HPSE2: variants seen among roughly 807,000 people sequenced by gnomAD.
The protein encoded by HPSE2 is heparanase 2 (inactive).
HPSE2 carries 38 observed loss-of-function variants against 60.5 expected under a neutral mutation model. The observed-to-expected ratio is 0.63, with a 90% CI of 0.48 to 0.82. The LOEUF is 0.82. Ranked by LOEUF, HPSE2 falls within the 40% of genes least tolerant of loss-of-function variation. The pLI is 0.00. For synonymous variants in HPSE2, 295 were observed against 293.2 expected (o/e 1.01, Z -0.06); for missense variants, 713 against 740.4 (o/e 0.96, Z 0.43).
chr10:99,019,623 C>T (rs769923145), intron 3 of HPSE2, among the ~76,000 whole-genome samples: 19 of 152,256 alleles, frequency 1.2e-4, no homozygotes, highest in African/African-American at 1.9e-4. Context: ...AAAGTTCATT[C>T]TAGTGCTTCC....
intron 2 of HPSE2, among the ~76,000 whole-genome samples, chr10:99,185,675 G>A (rs1362915589): frequency 6.6e-6 from 1 of 151,960 alleles, no homozygotes; most frequent in Admixed American, 6.6e-5. Context: ...TCGGGAGGCT[G>A]AGGCAGGAGA....
chr10:98,651,513 T>C (rs951658805), intron 6 of HPSE2, among the ~76,000 whole-genome samples: 9 of 152,200 alleles, frequency 5.9e-5, no homozygotes, highest in African/African-American at 2.2e-4. Flanking sequence ...TTCTTTACCA[T>C]CCTTTCTTTT....
intron 2 of HPSE2, among the ~76,000 whole-genome samples, chr10:99,177,158 T>G (rs767149195): frequency 1.3e-5 from 2 of 151,986 alleles, no homozygotes; most frequent in Non-Finnish European, 2.9e-5. Flanking sequence ...TATCAGCCAC[T>G]GCAAAAACAT....
chr10:99,163,083 C>T (rs373253208), intron 2 of HPSE2, among the ~76,000 whole-genome samples: 37 of 152,040 alleles, frequency 2.4e-4, no homozygotes, highest in Non-Finnish European at 3.7e-4. Flanking sequence ...TGGTGGCAGA[C>T]GCCTGTAGTC....
chr10:98,520,663 G>A (rs1183628514), intron 9 of HPSE2, among the ~76,000 whole-genome samples: 2 of 152,138 alleles, frequency 1.3e-5, no homozygotes, highest in African/African-American at 4.8e-5. Context: ...TAGGATTTAC[G>A]TGATTAAAAA....
chr10:98,712,738 T>C (rs766825993), intron 5 of HPSE2, among the ~76,000 whole-genome samples: 4 of 152,220 alleles, frequency 2.6e-5, no homozygotes, highest in Middle Eastern at 3.4e-3. Context: ...TGAGCCACGA[T>C]AGGAGCAGAA....
At chr10:99,282,672 A>G in the HPSE2 span, among the ~76,000 whole-genome samples, 1 of 152,208 alleles carries the variant, frequency 6.6e-6, no homozygotes, top group Non-Finnish European at 1.5e-5. Flanking sequence ...TCCAATCACA[A>G]TAGAAAGAAA....
intron 3 of HPSE2, among the ~76,000 whole-genome samples, chr10:99,121,488 A>G (rs1844951228): frequency 6.6e-6 from 1 of 152,132 alleles, no homozygotes; most frequent in African/African-American, 2.4e-5. Context: ...GTTTAAAAAA[A>G]GTGTTTAACT....
intron 3 of HPSE2, among the ~76,000 whole-genome samples, chr10:98,848,838 A>G (rs1952096978): frequency 6.6e-6 from 1 of 152,056 alleles, no homozygotes; most frequent in Non-Finnish European, 1.5e-5. Context: ...TTTTCCTTTA[A>G]CTTCTGTGCT....
intron 3 of HPSE2, among the ~76,000 whole-genome samples, chr10:99,102,703 C>A (rs1208540598): frequency 1.3e-5 from 2 of 152,120 alleles, no homozygotes; most frequent in Non-Finnish European, 2.9e-5. Context: ...AGACCAATAT[C>A]CCTGATGAAC....
chr10:99,070,036 T>C (rs1210888959), intron 3 of HPSE2, among the ~76,000 whole-genome samples: 5 of 152,086 alleles, frequency 3.3e-5, no homozygotes, highest in African/African-American at 1.2e-4. Context: ...GAGAGAGGTG[T>C]CTAAAAGCTT....
At chr10:99,305,020 T>C in the HPSE2 span, among the ~76,000 whole-genome samples, 1 of 152,220 alleles carries the variant, frequency 6.6e-6, no homozygotes, top group Non-Finnish European at 1.5e-5. Flanking sequence ...AATACAGCCA[T>C]GGCAGGTGAA....
rs183788740 is a variant in HPSE2 at position 98,619,989 on chromosome 10, T to A, written c.1205+613A>T. ...CACTAACTAAATGAGTGATCTTGAATAAGTTACTTCACCTCTTTCAGTTTT... is the reference window on the plus strand; with the variant it reads ...CACTAACTAAATGAGTGATCTTGAAAAAGTTACTTCACCTCTTTCAGTTTT... On this transcript the variant is annotated intron_variant, in intron 8 of 11. Transcript: ENST00000370552. Among the ~76,000 whole-genome samples, 615 of 152,358 alleles carry A rather than the reference T, an allele frequency of 4.0e-3. 17 individuals carry two copies. The highest frequency in any genetic ancestry group is 0.036 in the Admixed American group (552 of 15,306).
chr10:98,728,181 T>C (rs1949137672), intron 4 of HPSE2, among the ~76,000 whole-genome samples: 1 of 152,198 alleles, frequency 6.6e-6, no homozygotes, highest in Non-Finnish European at 1.5e-5. Flanking sequence ...TTTCTTCTCT[T>C]AACTGATTTA....
At chr10:98,850,138 C>T (rs1249530904) in intron 3 of HPSE2, among the ~76,000 whole-genome samples, 1 of 152,074 alleles carries the variant, frequency 6.6e-6, no homozygotes, top group African/African-American at 2.4e-5. Flanking sequence ...ACAGCAATGG[C>T]ATCACTTTGC....
At chr10:99,131,359 C>T (rs918097060) in intron 3 of HPSE2, among the ~76,000 whole-genome samples, 1 of 152,138 alleles carries the variant, frequency 6.6e-6, no homozygotes, top group African/African-American at 2.4e-5. Flanking sequence ...GAAAGGAAGT[C>T]ATTATTTGAA....
intron 3 of HPSE2, among the ~76,000 whole-genome samples, chr10:99,023,527 A>T (rs1045579059): frequency 2.0e-5 from 3 of 152,140 alleles, no homozygotes; most frequent in South Asian, 2.1e-4. Context: ...GAGTGGATAT[A>T]ACAGGCTTTG....
intron 3 of HPSE2, among the ~76,000 whole-genome samples, chr10:98,955,875 A>AT (rs1955497384): frequency 6.6e-6 from 1 of 152,166 alleles, no homozygotes; most frequent in Admixed American, 6.5e-5. Context: ...CAAACACTGC[A>AT]TGTTCTCACT....
chr10:98,552,798 G>A (rs1329752310), intron 9 of HPSE2, among the ~76,000 whole-genome samples: 6 of 152,080 alleles, frequency 3.9e-5, no homozygotes, highest in Non-Finnish European at 4.4e-5. Flanking sequence ...TTGATGATAT[G>A]AGAAGTATGA....
Sources: gnomAD v4.1 joint callset for allele counts (sites outside exome capture counted in the v4.1 genomes callset) on GRCh38, gnomAD v4.1.1 for gene constraint, MANE v1.5 for transcripts, NCBI Gene and HGNC (gene_info 2026-07-23, HGNC 2026-07-21) for gene names.